MTHFD1L: variants seen among roughly 807,000 people sequenced by gnomAD.
The protein encoded by MTHFD1L is methylenetetrahydrofolate dehydrogenase (NADP+ dependent) 1 like.
Under a neutral mutation model 119.5 loss-of-function variants are expected in MTHFD1L, and 81 were observed. The observed-to-expected ratio is 0.68, with a 90% confidence interval of 0.57 to 0.82. The LOEUF (loss-of-function observed/expected upper bound fraction) is 0.82. Ranked by LOEUF, MTHFD1L falls within the 40% of genes least tolerant of loss-of-function variation. The probability of loss-of-function intolerance (pLI) is 0.00; values close to 1 mark genes in which losing one functional copy is unlikely to be tolerated. For missense variants in MTHFD1L, 1,125 were observed against 1,253.4 expected, an observed-to-expected ratio of 0.90 and a Z score of 1.55; for synonymous variants, 430 against 475.2, an observed-to-expected ratio of 0.90 and a Z score of 1.24.
In MTHFD1L at chr6:151,020,608, T is replaced by G. The variant is rs368453331; in HGVS notation, c.2586+4915T>G. Among the ~76,000 whole-genome samples the G allele has an allele frequency of 2.0e-5, 3 of 152,200 alleles. No homozygotes were observed. In the East Asian group the frequency reaches 5.8e-4, roughly 29 times the overall value. The stretch of plus-strand genomic sequence containing the variant: ...AAAGATTGAAAAATATGGAATAAGG[T>G]GTAGTAGACTAATTGCTCAGAAGAA... On this transcript the variant is annotated intron_variant, in intron 24 of 27. Transcript: ENST00000367321.
intron 8 of MTHFD1L, among the ~76,000 whole-genome samples, chr6:150,913,786 G>A (rs879454883): frequency 2.0e-5 from 3 of 152,074 alleles, no homozygotes; most frequent in Admixed American, 6.6e-5. Context: ...TTGAGCTCAC[G>A]AGTTCGAGAC....
At position 150,936,927 on chromosome 6, in the gene MTHFD1L, G is replaced by A. The variant is rs371570169; in HGVS notation, c.1380G>A (p.Thr460=). The change falls in exon 12 of 28, where the codon ACG becomes ACA. Residue 460 remains threonine (T), a synonymous_variant. Coordinates refer to ENST00000367321, the MANE Select transcript of MTHFD1L (RefSeq NM_015440.5). The stretch of plus-strand genomic sequence containing the variant: ...TGAGGCAGCCTTCCCAAGGACCGAC[G>A]TTTGGAGTGAAAGGTACTGTCTTTA... ...ACLRQPSQGP[T]FGVKGGAAGG... The A allele has an allele frequency of 6.2e-6, 10 of 1,614,024 alleles. No individual in the cohort carries two copies. The African/African-American group carries it at 6.7e-5, about 11-fold the overall frequency.
In MTHFD1L at chr6:150,918,627, G is replaced by A; in HGVS notation, c.943G>A (p.Glu315Lys). 5 of 1,614,184 alleles carry A rather than the reference G, an allele frequency of 3.1e-6. No homozygotes were observed. Among genetic ancestry groups the A allele is most frequent in the Non-Finnish European group, 4.2e-6 (5 of 1,180,014 alleles). ...PRIHFGGLIE[E>K]DDVILLAAAL... ...AATACATTTTGGTGGACTCATTGAG[G>A]AAGATGATGTGATTCTCCTTGCTGC... The change falls in exon 9 of 28, where the codon GAA becomes AAA. Residue 315 changes from glutamate to lysine, a missense_variant. By Grantham distance (56) the Glu-to-Lys change is moderately conservative. This residue lies in a region of MTHFD1L where 1,058 missense variants were observed against 1,151.2 expected (regional missense o/e 0.92). Transcript: ENST00000367321.
Position 151,098,550 on chromosome 6 carries a change from A to C in MTHFD1L, c.*32-2976A>C, listed in dbSNP as rs532176320. 2.0e-5 allele frequency among the ~76,000 whole-genome samples: 3 copies of C among 152,302 alleles called. No homozygotes were observed. The South Asian group carries it at 6.2e-4, about 32-fold the overall frequency. ...CTTAAATAATCCTCATCAACATCTA[A>C]AAGATAGTGATAATTAAATCTCTCC... On this transcript the variant is annotated intron_variant, in intron 27 of 27. Coordinates refer to ENST00000367321, the MANE Select transcript of MTHFD1L (RefSeq NM_015440.5).
intron 10 of MTHFD1L, among the ~76,000 whole-genome samples, chr6:150,925,133 G>A (rs1002231498): frequency 6.6e-6 from 1 of 152,156 alleles, no homozygotes; most frequent in South Asian, 2.1e-4. Flanking sequence ...GCTGACTAAA[G>A]TCCACTGAGG....
chr6:150,885,392 C>T (rs1013641320), intron 5 of MTHFD1L, among the ~76,000 whole-genome samples: 11 of 152,122 alleles, frequency 7.2e-5, no homozygotes, highest in East Asian at 3.9e-4. Flanking sequence ...GTTGAGGTTT[C>T]GCCATGTTGG....
At chr6:150,950,110 C>T (rs899933522) in intron 16 of MTHFD1L, among the ~76,000 whole-genome samples, 7 of 152,208 alleles carry the variant, frequency 4.6e-5, no homozygotes, top group African/African-American at 1.7e-4. Flanking sequence ...TCCCCCAGTT[C>T]AGAGGGTTCA....
chr6:150,904,224 C>T (rs1052726238), intron 7 of MTHFD1L, among the ~76,000 whole-genome samples: 8 of 152,178 alleles, frequency 5.3e-5, no homozygotes, highest in East Asian at 1.9e-4. Flanking sequence ...GTCCCCAACA[C>T]GTTTATTTGG....
chr6:151,008,556 C>T (rs1231476571), intron 20 of MTHFD1L, among the ~76,000 whole-genome samples: 6 of 152,066 alleles, frequency 3.9e-5, no homozygotes, highest in Non-Finnish European at 7.4e-5. Context: ...TCACGAATCA[C>T]GCATTGAGCA....
At chr6:151,097,773 A>G (rs371082997) in intron 27 of MTHFD1L, among the ~76,000 whole-genome samples, 2 of 152,232 alleles carry the variant, frequency 1.3e-5, no homozygotes, top group African/African-American at 4.8e-5. Flanking sequence ...TGATACCAAC[A>G]TACAGTAGTA....
intron 26 of MTHFD1L, among the ~76,000 whole-genome samples, chr6:151,063,590 T>C (rs1447987231): frequency 6.6e-6 from 1 of 152,254 alleles, no homozygotes; most frequent in Non-Finnish European, 1.5e-5. Context: ...AAGGGCGGTT[T>C]GCTTATTTCC....
At chr6:151,080,108 G>T (rs1283392274) in intron 26 of MTHFD1L, among the ~76,000 whole-genome samples, 1 of 151,980 alleles carries the variant, frequency 6.6e-6, no homozygotes, top group African/African-American at 2.4e-5. Flanking sequence ...AACCTGGGAG[G>T]TGGAGATTTC....
intron 20 of MTHFD1L, among the ~76,000 whole-genome samples, chr6:151,004,431 C>T (rs1781100835): frequency 6.6e-6 from 1 of 152,196 alleles, no homozygotes; most frequent in Non-Finnish European, 1.5e-5. Context: ...ATCGTCTCTC[C>T]CTCCCTGAAG....
intron 24 of MTHFD1L, among the ~76,000 whole-genome samples, chr6:151,022,526 G>T (rs1784080639): frequency 6.6e-6 from 1 of 152,070 alleles, no homozygotes; most frequent in African/African-American, 2.4e-5. Flanking sequence ...AACTTAAAAG[G>T]GTATTGATGC....
chr6:150,887,928 A>G lies in MTHFD1L; in HGVS notation c.727A>G (p.Lys243Glu), dbSNP rs139687564. The G allele has an allele frequency of 7.9e-5, 127 of 1,610,768 alleles. No individual in the cohort carries two copies. The highest frequency in any genetic ancestry group is 1.1e-4 in the Non-Finnish European group (125 of 1,178,910). Residue 243 changes from lysine to glutamate, a missense_variant, in exon 7 of 28, where the codon AAA becomes GAA. Around this residue, in one of 3 missense-constraint regions of MTHFD1L, gnomAD observed 1,058 missense variants for 1,151.2 expected, o/e 0.92. Coordinates refer to ENST00000367321, the MANE Select transcript of MTHFD1L (RefSeq NM_015440.5). ...EAALQCLFQR[K>E]GSMTMSIQWK... ...TGCTCTACAATGCCTGTTCCAGAGA[A>G]AAGGGTCCATGACAATGAGCATCCA...
intron 5 of MTHFD1L, among the ~76,000 whole-genome samples, chr6:150,883,120 T>C: frequency 6.6e-6 from 1 of 151,700 alleles, no homozygotes; most frequent in South Asian, 2.1e-4. Flanking sequence ...ACAACCTCCA[T>C]CTCCTGGGTT....
chr6:150,906,791 G>A lies in MTHFD1L; in HGVS notation c.892+1030G>A, dbSNP rs969022417. ...ATAAAAGCATGAGCCCTAGCCAGAG[G>A]TTGTTACTGACCCTCCTCTCTAGGA... is the stretch of plus-strand genomic sequence containing the variant. On this transcript the variant is annotated intron_variant, in intron 8 of 27. Coordinates refer to ENST00000367321, the MANE Select transcript of MTHFD1L (RefSeq NM_015440.5). Among the ~76,000 whole-genome samples, 5 of 152,228 alleles carry A rather than the reference G, an allele frequency of 3.3e-5. No homozygotes were observed. In the South Asian group the frequency reaches 1.0e-3, roughly 32 times the overall value.
At chr6:151,058,923 C>T (rs930665867) in intron 26 of MTHFD1L, among the ~76,000 whole-genome samples, 3 of 152,148 alleles carry the variant, frequency 2.0e-5, no homozygotes, top group Non-Finnish European at 2.9e-5. Context: ...GTGATCACCC[C>T]GTGTCAGCTT....
chr6:150,963,152 G>C lies in MTHFD1L; in HGVS notation c.1945-1817G>C, dbSNP rs190426055. On this transcript the variant is annotated intron_variant, in intron 18 of 27. Coordinates refer to ENST00000367321, the MANE Select transcript of MTHFD1L (RefSeq NM_015440.5). ...GCTGGTCTCGAACTCCTGACCCCAGGTGATCCACCCGCCTTGGCCTCCCAA... is the reference window on the plus strand; with the variant it reads ...GCTGGTCTCGAACTCCTGACCCCAGCTGATCCACCCGCCTTGGCCTCCCAA... Among the ~76,000 whole-genome samples, 210 of 152,150 alleles carry C rather than the reference G, an allele frequency of 1.4e-3. 2 individuals carry two copies. Among genetic ancestry groups the C allele is most frequent in the African/African-American group, 4.7e-3 (197 of 41,488 alleles).
Sources: allele counts gnomAD v4.1 joint callset (sites outside exome capture counted in the v4.1 genomes callset), GRCh38; gene constraint gnomAD v4.1.1; regional missense constraint gnomAD v4.1.1; transcripts MANE v1.5; gene names NCBI Gene and HGNC (gene_info 2026-07-23, HGNC 2026-07-21).